The following AURKB variants were observed in gnomAD, a reference collection of about 807,000 sequenced individuals.
AURKB encodes aurora kinase B-Sv1.
Under a neutral mutation model 36.5 loss-of-function variants are expected in AURKB, and 28 were observed. That is an observed-to-expected ratio of 0.77 (90% CI 0.57 to 1.05). The LOEUF (loss-of-function observed/expected upper bound fraction) is 1.05, where lower values mean the gene tolerates loss of function less well. Among genes scored for constraint, AURKB ranks in the 50% least tolerant of loss-of-function variants. The pLI, the probability that AURKB is intolerant of heterozygous loss-of-function variation, is 0.00. For synonymous variants in AURKB, 175 were observed against 172.9 expected (o/e 1.01, Z -0.09); for missense variants, 383 against 447.4 (o/e 0.86, Z 1.30).
At chr17:8,205,533 G>T in intron 7 of AURKB, 143 bp from the exon 8 acceptor site, 1 of 1,003,780 alleles carries the variant, frequency 1.0e-6, no homozygotes, top group Non-Finnish European at 1.5e-6. Flanking sequence ...AGTGGGGGTG[G>T]GGTTGGGGTG....
chr17:8,208,038 A>C, intron 2 of AURKB, 198 bp from the exon 3 acceptor site: 1 of 503,492 alleles, frequency 2.0e-6, no homozygotes, highest in Non-Finnish European at 3.5e-6. Flanking sequence ...ATTAATAAAC[A>C]ACCTAGGGCT....
At chr17:8,210,129 T>C (rs1254279115) in intron 2 of AURKB, 48 bp downstream of exon 2, 1 of 1,605,704 alleles carries the variant, frequency 6.2e-7, no homozygotes, top group East Asian at 2.2e-5. Context: ...CAGCAGGAAC[T>C]CGCCATGCGG....
At chr17:8,207,868 G>A (rs755254830) in intron 2 of AURKB, 28 bp from the exon 3 acceptor site, 1 of 1,574,896 alleles carries the variant, frequency 6.3e-7, no homozygotes, top group Non-Finnish European at 8.6e-7. Flanking sequence ...GTAGCTCTGA[G>A]GGTGCCTTTG....
In AURKB at chr17:8,206,545, T is replaced by G; in HGVS notation, c.632A>C (p.Lys211Thr). The part of the protein sequence containing the change: ...IKPENLLLGL[K>T]GELKIADFGW... The stretch of plus-strand genomic sequence containing the variant: ...GAAGTCAGCAATCTTCAGCTCTCCC[T>G]TGAGCCCTAAGAGCAGATTTTCTGG... The change falls in exon 7 of 9, where the codon AAG (lysine) becomes ACG (threonine). Residue 211 changes from lysine (K) to threonine (T), a missense_variant. Transcript: ENST00000585124. The surrounding 1 kb of genome is among the most constrained non-coding windows in gnomAD (Gnocchi z 4.2). The G allele has an allele frequency of 6.2e-7, 1 of 1,614,198 alleles. No individual in the cohort carries two copies.
rs1466035614 is a variant in AURKB at position 8,206,709 on chromosome 17, C to T, written c.537+41G>A. ...GCTACAAGCAGCACACCCTCAGCCT[C>T]GAGCCCCCTACTGGCGCCCCAGGTG... On this transcript the variant is annotated intron_variant, in intron 6 of 8. Transcript: ENST00000585124. The surrounding 1 kb of genome is among the most constrained non-coding windows in gnomAD (Gnocchi z 4.2). 1.1e-5 allele frequency: 17 copies of T among 1,612,668 alleles called. No individual in the cohort carries two copies. Among genetic ancestry groups the T allele is most frequent in the East Asian group, 4.5e-5 (2 of 44,872 alleles).
chr17:8,205,721 C>T (rs935748381), intron 7 of AURKB, among the ~76,000 whole-genome samples: 2 of 152,142 alleles, frequency 1.3e-5, no homozygotes, highest in African/African-American at 4.8e-5. Flanking sequence ...CTATGTGATA[C>T]TATGAAACCA....
In AURKB at chr17:8,206,462, C is replaced by T. The variant is rs532154940; in HGVS notation, c.686+29G>A. ...GAGGTTTTAATGGCCCAGCCTCACA[C>T]CCAGGTCTGGCCTCCCAGGCCACCA... On this transcript the variant is annotated intron_variant, in intron 7 of 8. Coordinates refer to ENST00000585124, the MANE Select transcript of AURKB (RefSeq NM_004217.4). This position sits in a 1 kb window ranked among gnomAD's most constrained non-coding sequence, Gnocchi z 4.2. The T allele has an allele frequency of 1.9e-6, 3 of 1,613,376 alleles. No homozygotes were observed. Among genetic ancestry groups the T allele is most frequent in the African/African-American group, 2.7e-5 (2 of 75,016 alleles).
chr17:8,205,460 G>A (rs146542938), intron 7 of AURKB, 70 bp from the exon 8 acceptor site: 90 of 1,551,670 alleles, frequency 5.8e-5, no homozygotes, highest in African/African-American at 5.6e-4. Flanking sequence ...GCTGCCTGAC[G>A]GCTGGGAGCC....
chr17:8,209,808 T>G (rs973924242), intron 2 of AURKB: 1 of 328,124 alleles, frequency 3.0e-6, no homozygotes, highest in African/African-American at 2.2e-5. Context: ...AACTGTAACT[T>G]TATATCCTTT....
Position 8,205,264 on chromosome 17 carries a change from T to G in AURKB, c.813A>C (p.Pro271=), listed in dbSNP as rs771830726. 1 of 1,613,708 alleles carries G rather than the reference T, an allele frequency of 6.2e-7. No individual in the cohort carries two copies. The highest frequency in any genetic ancestry group is 8.5e-7 in the Non-Finnish European group (1 of 1,179,958). Residue 271 remains proline (P), a synonymous_variant, in exon 8 of 9, where the codon CCA becomes CCC. Transcript: ENST00000585124. ...VLCYELLVGN[P]PFESASHNET... is the part of the protein sequence containing the mutation. ...CGTTGTGTGATGCACTCTCAAAGGG[T>G]GGGTTCCCCACCAGCAGCTCATAGC...
Position 8,207,643 on chromosome 17 carries a change from A to G in AURKB, c.152-18T>C, listed in dbSNP as rs1872740319. On this transcript the variant is annotated intron_variant, in intron 3 of 8. Transcript: ENST00000585124. ...AGGGGCAGCTAAGGAGAGAACAGGT[A>G]GGTTGAATGCGAACAGGGATGACCT... 6.2e-7 allele frequency: 1 copy of G among 1,613,852 alleles called. No individual in the cohort carries two copies. The highest frequency in any genetic ancestry group is 1.1e-5 in the South Asian group (1 of 91,072).
At chr17:8,207,927 C>G (rs2151475495) in intron 2 of AURKB, 87 bp from the exon 3 acceptor site, 1 of 1,107,326 alleles carries the variant, frequency 9.0e-7, no homozygotes, top group Non-Finnish European at 1.3e-6. Flanking sequence ...CAGCCCCTTG[C>G]TAAAGAGCCA....
In AURKB at chr17:8,206,676, G is replaced by A. The variant is rs1430248739; in HGVS notation, c.538-37C>T. The stretch of plus-strand genomic sequence containing the variant: ...AACGACAGGCAATCAGACAAGGATG[G>A]ACCTCCAGCTACAAGCAGCACACCC... On this transcript the variant is annotated intron_variant, in intron 6 of 8. Transcript: ENST00000585124. The surrounding 1 kb of genome is among the most constrained non-coding windows in gnomAD (Gnocchi z 4.2). 1.2e-6 allele frequency: 2 copies of A among 1,613,824 alleles called. No individual in the cohort carries two copies. The highest frequency in any genetic ancestry group is 1.3e-5 in the African/African-American group (1 of 75,040).
chr17:8,209,444 A>C (rs963934657), intron 2 of AURKB, among the ~76,000 whole-genome samples: 1 of 152,246 alleles, frequency 6.6e-6, no homozygotes, highest in Admixed American at 6.5e-5. Flanking sequence ...GCTGATGTAC[A>C]AGGGAACAGA....
chr17:8,207,032 G>A, intron 5 of AURKB, 144 bp from the exon 6 acceptor site: 1 of 1,462,830 alleles, frequency 6.8e-7, no homozygotes, highest in Non-Finnish European at 9.2e-7. Flanking sequence ...CAGATTTCTG[G>A]ATTCAAGGCT....
intron 8 of AURKB, 45 bp downstream of exon 8, chr17:8,205,171 C>T (rs773539689): frequency 2.5e-6 from 4 of 1,578,048 alleles, no homozygotes; most frequent in South Asian, 2.3e-5. Flanking sequence ...AGCCCCCCAG[C>T]TCCTGGCTTC....
Position 8,206,736 on chromosome 17 carries a change from C to T in AURKB, c.537+14G>A. The stretch of plus-strand genomic sequence containing the variant: ...AGCCCCCTACTGGCGCCCCAGGTGC[C>T]CACCCGCCCGGACCGTGGCTGTTCG... On this transcript the variant is annotated intron_variant, in intron 6 of 8. Coordinates refer to ENST00000585124, the MANE Select transcript of AURKB (RefSeq NM_004217.4). The surrounding 1 kb of genome is among the most constrained non-coding windows in gnomAD (Gnocchi z 4.2). 1 of 1,612,816 alleles carries T rather than the reference C, an allele frequency of 6.2e-7. No individual in the cohort carries two copies. The highest frequency in any genetic ancestry group is 8.5e-7 in the Non-Finnish European group (1 of 1,179,104).
chr17:8,207,698 C>A lies in AURKB; in HGVS notation c.151+40G>T. ...ATCCCTAAACCCTCCCACAGACGGT[C>A]ATCTCCCCAGCTCAGTCCTCTCCCC... On this transcript the variant is annotated intron_variant, in intron 3 of 8. Transcript: ENST00000585124. The A allele has an allele frequency of 1.9e-6, 3 of 1,613,704 alleles. No individual in the cohort carries two copies. The South Asian group carries it at 3.3e-5, about 18-fold the overall frequency.
intron 5 of AURKB, 35 bp downstream of exon 5, chr17:8,207,141 A>G: frequency 6.3e-7 from 1 of 1,593,642 alleles, no homozygotes; most frequent in Non-Finnish European, 8.6e-7. Flanking sequence ...GTGAGGGAGC[A>G]GAGGGGCTTC....
Sources: gnomAD v4.1 joint callset for allele counts (sites outside exome capture counted in the v4.1 genomes callset) on GRCh38, gnomAD v4.1.1 for gene constraint, Gnocchi (gnomAD v3.1) non-coding constraint, MANE v1.5 for transcripts, NCBI Gene and HGNC (gene_info 2026-07-23, HGNC 2026-07-21) for gene names.